The following NEDD4L variants were observed in gnomAD, a reference collection of about 807,000 sequenced individuals.
NEDD4L encodes the protein E3 ubiquitin-protein ligase NEDD4-like.
Under a neutral mutation model 148.9 loss-of-function variants are expected in NEDD4L, and 54 were observed. That is an observed-to-expected ratio of 0.36 (90% CI 0.29 to 0.45). NEDD4L has a LOEUF of 0.45. NEDD4L is among the 20% of genes least tolerant of loss of function. The probability of loss-of-function intolerance (pLI) is 1.00; values close to 1 mark genes in which losing one functional copy is unlikely to be tolerated. For synonymous variants in NEDD4L, 433 were observed against 440.7 expected (o/e 0.98, Z 0.22); for missense variants, 856 against 1,233.8 (o/e 0.69, Z 4.59).
chr18:58,057,852 A>G (rs2082157064), intron 1 of NEDD4L, among the ~76,000 whole-genome samples: 1 of 152,240 alleles, frequency 6.6e-6, no homozygotes, highest in Non-Finnish European at 1.5e-5. Context: ...ATGAAGAGGC[A>G]CACAGTTTTG....
chr18:58,321,104 G>A (rs1231794209), intron 6 of NEDD4L, among the ~76,000 whole-genome samples: 1 of 152,208 alleles, frequency 6.6e-6, no homozygotes, highest in African/African-American at 2.4e-5. Context: ...TGGCACCGGT[G>A]ATCCAATGGT....
intron 1 of NEDD4L, among the ~76,000 whole-genome samples, chr18:58,121,871 C>G (rs1331297022): frequency 6.6e-6 from 1 of 152,252 alleles, no homozygotes; most frequent in African/African-American, 2.4e-5. Context: ...CTTCCCATGT[C>G]TTATTTTCCC....
At chr18:58,273,474 C>T (rs1787521267) in intron 5 of NEDD4L, among the ~76,000 whole-genome samples, 1 of 152,186 alleles carries the variant, frequency 6.6e-6, no homozygotes, top group African/African-American at 2.4e-5. Flanking sequence ...TGCCAGATAT[C>T]TTGCCTTTCC....
chr18:58,268,012 G>T (rs1025266419), intron 5 of NEDD4L, among the ~76,000 whole-genome samples: 4 of 151,942 alleles, frequency 2.6e-5, no homozygotes, highest in Admixed American at 2.6e-4. Flanking sequence ...ATTGCTCTGC[G>T]CCTTCTGATG....
intron 4 of NEDD4L, among the ~76,000 whole-genome samples, chr18:58,250,152 G>A (rs1345831123): frequency 6.6e-6 from 1 of 151,340 alleles, no homozygotes; most frequent in African/African-American, 2.4e-5. Context: ...TGTTTGTTTT[G>A]TTTTGTTTTG....
At chr18:58,293,606 A>T (rs1051150113) in intron 5 of NEDD4L, among the ~76,000 whole-genome samples, 6 of 152,260 alleles carry the variant, frequency 3.9e-5, no homozygotes, top group African/African-American at 1.4e-4. Flanking sequence ...GTTTTTATTT[A>T]AAGTTTTAAT....
chr18:58,269,232 G>A (rs2050677134), intron 5 of NEDD4L, among the ~76,000 whole-genome samples: 1 of 151,960 alleles, frequency 6.6e-6, no homozygotes, highest in African/African-American at 2.4e-5. Context: ...GGGGAGATGG[G>A]ATCGAGCAGT....
At chr18:58,092,892 G>A (rs1219101181) in intron 1 of NEDD4L, among the ~76,000 whole-genome samples, 2 of 134,056 alleles carry the variant, frequency 1.5e-5, no homozygotes, top group Non-Finnish European at 3.1e-5. Flanking sequence ...ATGGAGTCTC[G>A]CTCTGTCCCC....
chr18:58,072,161 G>A (rs2082901528), intron 1 of NEDD4L, among the ~76,000 whole-genome samples: 1 of 152,094 alleles, frequency 6.6e-6, no homozygotes, highest in African/African-American at 2.4e-5. Flanking sequence ...AAAATACTGG[G>A]TCACATGGTT....
intron 1 of NEDD4L, among the ~76,000 whole-genome samples, chr18:58,055,615 A>G (rs2144583223): frequency 6.6e-6 from 1 of 152,322 alleles, no homozygotes; most frequent in Non-Finnish European, 1.5e-5. Context: ...TTACCAGGTC[A>G]TTTTCATATT....
chr18:58,257,060 G>T (rs2048694206), intron 5 of NEDD4L, among the ~76,000 whole-genome samples: 1 of 152,138 alleles, frequency 6.6e-6, no homozygotes, highest in African/African-American at 2.4e-5. Context: ...TTTCTGAATA[G>T]AAGAATTTCG....
At chr18:58,124,394 C>T (rs765133900) in intron 1 of NEDD4L, among the ~76,000 whole-genome samples, 2 of 152,220 alleles carry the variant, frequency 1.3e-5, no homozygotes, top group African/African-American at 2.4e-5. Context: ...CCGGCCTCCT[C>T]GATGGCTCCT....
intron 6 of NEDD4L, among the ~76,000 whole-genome samples, chr18:58,320,111 G>C (rs527485479): frequency 7.0e-4 from 106 of 152,308 alleles, no homozygotes; most frequent in African/African-American, 2.5e-3. Context: ...GACAGACTCA[G>C]GTTCAGAGTC....
chr18:58,087,612 T>C (rs1234732942), intron 1 of NEDD4L, among the ~76,000 whole-genome samples: 3 of 152,170 alleles, frequency 2.0e-5, no homozygotes, highest in Non-Finnish European at 2.9e-5. Context: ...CAGTGGCTCA[T>C]GCCTGTAATC....
chr18:58,159,458 TGGG>T (rs1387141664), intron 1 of NEDD4L, among the ~76,000 whole-genome samples: 2 of 151,990 alleles, frequency 1.3e-5, no homozygotes, highest in African/African-American at 2.4e-5. Context: ...ATGTTGATCA[TGGG>T]GGAGGCTGTG....
At chr18:58,314,953 T>C (rs534829470) in intron 5 of NEDD4L, among the ~76,000 whole-genome samples, 25 of 152,202 alleles carry the variant, frequency 1.6e-4, no homozygotes, top group Non-Finnish European at 3.2e-4. Context: ...AAAAATAGCA[T>C]ATGTGAATTA....
At chr18:58,340,117 C>T (rs935822508) in intron 13 of NEDD4L, among the ~76,000 whole-genome samples, 4 of 152,164 alleles carry the variant, frequency 2.6e-5, no homozygotes, top group African/African-American at 9.7e-5. Flanking sequence ...CTTTCACAGG[C>T]ACAGATATTA....
At position 58,223,400 on chromosome 18, in the gene NEDD4L, A is replaced by C. The variant is rs1041728168; in HGVS notation, c.123-22027A>C. Among the ~76,000 whole-genome samples, 6 of 152,274 alleles carry C rather than the reference A, an allele frequency of 3.9e-5. No homozygotes were observed. In the East Asian group the frequency reaches 1.2e-3, roughly 29 times the overall value. ...TATGAATTCTGCTACTTGAGTGTAG[A>C]AGTTTTATTCCAAAGTGGTTTGTTT... On this transcript the variant is annotated intron_variant, in intron 2 of 30. Coordinates refer to ENST00000400345, the MANE Select transcript of NEDD4L (RefSeq NM_001144967.3).
chr18:58,154,370 A>G (rs2035186921), intron 1 of NEDD4L, among the ~76,000 whole-genome samples: 1 of 152,220 alleles, frequency 6.6e-6, no homozygotes, highest in Non-Finnish European at 1.5e-5. Context: ...ACTAGTGACA[A>G]TGACTGCTGT....
Sources: allele counts gnomAD v4.1 joint callset (sites outside exome capture counted in the v4.1 genomes callset), GRCh38; gene constraint gnomAD v4.1.1; transcripts MANE v1.5; gene names NCBI Gene and HGNC (gene_info 2026-07-23, HGNC 2026-07-21).